Variants in NME7 observed in about 807,000 individuals in gnomAD.
The protein encoded by NME7 is NME/NM23 family member 7, also known as nucleoside diphosphate kinase 7.
NME7 carries 41 observed loss-of-function variants against 49.1 expected under a neutral mutation model. The ratio of observed to expected loss-of-function variants is 0.83; its 90% CI spans 0.65 to 1.08. The LOEUF (loss-of-function observed/expected upper bound fraction) is 1.08. NME7 is among the 50% of genes least tolerant of loss of function. NME7 has a pLI of 0.00. For missense variants in NME7, 423 were observed against 463.4 expected (o/e 0.91, Z 0.80); for synonymous variants, 139 against 150.6 (o/e 0.92, Z 0.56).
At chr1:169,334,047 C>T (rs578090926) in intron 1 of NME7, among the ~76,000 whole-genome samples, 1 of 152,280 alleles carries the variant, frequency 6.6e-6, no homozygotes, top group African/African-American at 2.4e-5. Flanking sequence ...TACAAAAGTG[C>T]TCCCTTCTTT....
intron 10 of NME7, among the ~76,000 whole-genome samples, chr1:169,194,349 G>A (rs1414487079): frequency 1.3e-5 from 2 of 152,006 alleles, no homozygotes; most frequent in Admixed American, 6.5e-5. Context: ...CCTGCAAAAG[G>A]CCCAACACAC....
intron 7 of NME7, among the ~76,000 whole-genome samples, 164 bp from the exon 8 acceptor site, chr1:169,237,851 T>C (rs942255460): frequency 4.6e-5 from 7 of 152,074 alleles, no homozygotes; most frequent in Non-Finnish European, 8.8e-5. Flanking sequence ...TACTGAGCAT[T>C]AAATCTAATC....
At chr1:169,238,397 C>T (rs1488160461) in intron 7 of NME7, among the ~76,000 whole-genome samples, 1 of 150,770 alleles carries the variant, frequency 6.6e-6, no homozygotes, top group Non-Finnish European at 1.5e-5. Context: ...CTTTGAGATT[C>T]CATTTGTTTC....
At chr1:169,354,274 G>C (rs1047824573) in intron 1 of NME7, among the ~76,000 whole-genome samples, 1 of 152,092 alleles carries the variant, frequency 6.6e-6, no homozygotes, top group African/African-American at 2.4e-5. Flanking sequence ...ATTATGTTAA[G>C]TGAAATAAGC....
chr1:169,147,292 C>T (rs1380750767), intron 11 of NME7, among the ~76,000 whole-genome samples: 1 of 152,048 alleles, frequency 6.6e-6, no homozygotes, highest in Non-Finnish European at 1.5e-5. Context: ...TTATATCTTC[C>T]CTCATGCTTA....
In NME7 at chr1:169,296,175, A is replaced by G. The variant is rs79679086; in HGVS notation, c.648+2381T>C. On this transcript the variant is annotated intron_variant, in intron 6 of 11. Coordinates refer to ENST00000367811, the MANE Select transcript of NME7 (RefSeq NM_013330.5). The stretch of plus-strand genomic sequence containing the variant: ...ACTCCTCAAAAAAAAAGTTGTCTAT[A>G]TTCACTAACTACAATTCCCGTCCCA... 4.2e-3 allele frequency among the ~76,000 whole-genome samples: 637 copies of G among 152,240 alleles called. 22 individuals carry two copies. The East Asian group carries it at 0.091, about 22-fold the overall frequency.
chr1:169,340,795 T>C (rs1489557133), intron 1 of NME7, among the ~76,000 whole-genome samples: 1 of 152,234 alleles, frequency 6.6e-6, no homozygotes, highest in Non-Finnish European at 1.5e-5. Context: ...TAGAGATCTG[T>C]GGAGCTTTGA....
intron 1 of NME7, among the ~76,000 whole-genome samples, chr1:169,331,391 C>T (rs1036514734): frequency 3.9e-5 from 6 of 152,176 alleles, no homozygotes; most frequent in South Asian, 2.1e-4. Context: ...AAACTAAAAG[C>T]CTTTCCTCTG....
chr1:169,279,400 C>T (rs1649901865), intron 7 of NME7, among the ~76,000 whole-genome samples: 1 of 152,200 alleles, frequency 6.6e-6, no homozygotes, highest in South Asian at 2.1e-4. Context: ...TGGCAGGATC[C>T]CCTCCCCCAG....
chr1:169,293,526 T>C (rs1162594881), intron 6 of NME7, among the ~76,000 whole-genome samples: 1 of 152,154 alleles, frequency 6.6e-6, no homozygotes, highest in Non-Finnish European at 1.5e-5. Flanking sequence ...TTGAGCACTC[T>C]AGACTGTTAC....
At chr1:169,288,709 T>A (rs112902300) in intron 6 of NME7, among the ~76,000 whole-genome samples, 1,857 of 152,298 alleles carry the variant, frequency 0.012, 48 homozygotes, top group African/African-American at 0.042. Context: ...AAGTGTTCTA[T>A]TCCTAAGATA....
chr1:169,273,579 T>C (rs192889156), intron 7 of NME7, among the ~76,000 whole-genome samples: 1,736 of 131,192 alleles, frequency 0.013, 358 homozygotes, highest in Middle Eastern at 0.03. Context: ...TCATTTAGCA[T>C]TAGGTATATC....
intron 10 of NME7, among the ~76,000 whole-genome samples, chr1:169,219,529 A>G (rs1275190772): frequency 1.3e-5 from 2 of 151,964 alleles, no homozygotes; most frequent in African/African-American, 4.8e-5. Flanking sequence ...TTTCCTGAGC[A>G]TTCTGTACTT....
rs1023911918 is a variant in NME7, at chr1:169,354,781, A to G, written c.3+12927T>C. Among the ~76,000 whole-genome samples, 203 of 140,556 alleles carry G rather than the reference A, an allele frequency of 1.4e-3. 2 individuals are homozygous for G. The highest frequency in any genetic ancestry group is 4.9e-3 in the African/African-American group (187 of 38,476). 92.2% of individuals were successfully genotyped at this position (140,556 alleles called of 152,430 possible). On this transcript the variant is annotated intron_variant, in intron 1 of 11. Transcript: ENST00000367811. ...GTGTATATATGTTTTATATATATAT[A>G]TGTGTGTGCACATATCTATTATATA...
chr1:169,322,665 C>A (rs1251987272), intron 3 of NME7, among the ~76,000 whole-genome samples: 1 of 146,750 alleles, frequency 6.8e-6, no homozygotes, highest in African/African-American at 2.6e-5. Context: ...TGGTCAACAT[C>A]TATTAGATAT....
rs758607911 is a variant in NME7 at position 169,169,518 on chromosome 1, C to T, written c.1027G>A (p.Ala343Thr). Residue 343 changes from alanine (A) to threonine (T), a missense_variant, in exon 11 of 12, where the codon GCA (alanine) becomes ACA (threonine). Ala to Thr is a moderately conservative substitution (Grantham distance 58). Transcript: ENST00000367811. ...ARHLRPGTLR[A>T]IFGKTKIQNA... ...TGGATCTTAGTTTTACCAAAGATTGCTCTGAGAGTTCCAGGGCGTAAATGC... is the reference window on the plus strand; with the variant it reads ...TGGATCTTAGTTTTACCAAAGATTGTTCTGAGAGTTCCAGGGCGTAAATGC... 5 of 1,613,872 alleles carry T rather than the reference C, an allele frequency of 3.1e-6. No individual in the cohort carries two copies. Among genetic ancestry groups the T allele is most frequent in the Admixed American group, 3.3e-5 (2 of 60,006 alleles).
At chr1:169,330,286 A>G (rs1475617102) in intron 1 of NME7, among the ~76,000 whole-genome samples, 2 of 152,204 alleles carry the variant, frequency 1.3e-5, no homozygotes, top group African/African-American at 4.8e-5. Context: ...AAGTACACAG[A>G]AAAACACAGG....
intron 7 of NME7, among the ~76,000 whole-genome samples, chr1:169,247,718 T>C (rs183999902): frequency 9.7e-4 from 147 of 152,316 alleles, no homozygotes; most frequent in African/African-American, 3.3e-3. Flanking sequence ...TTCCCACTTA[T>C]AAGTGAGAAC....
intron 10 of NME7, among the ~76,000 whole-genome samples, chr1:169,175,800 A>G (rs10919085): frequency 0.083 from 12,594 of 152,222 alleles, 711 homozygotes; most frequent in Admixed American, 0.19. Context: ...ATGGATAAAC[A>G]TTAAAAGAGG....
Sources: allele counts gnomAD v4.1 joint callset (sites outside exome capture counted in the v4.1 genomes callset), GRCh38; gene constraint gnomAD v4.1.1; transcripts MANE v1.5; gene names NCBI Gene and HGNC (gene_info 2026-07-23, HGNC 2026-07-21).